The following CXADR variants were observed in gnomAD, a reference collection of about 807,000 sequenced individuals.
CXADR encodes CXADR cell adhesion molecule.
Under a neutral mutation model 40.3 loss-of-function variants are expected in CXADR, and 20 were observed. That is an observed-to-expected ratio of 0.50 (90% CI 0.35 to 0.72). The LOEUF is 0.72. Among genes scored for constraint, CXADR ranks in the 30% least tolerant of loss-of-function variants. The pLI is 0.01. For missense variants in CXADR, 332 were observed against 449.1 expected (o/e 0.74, Z 2.36); for synonymous variants, 150 against 161.3 (o/e 0.93, Z 0.53).
At chr21:17,584,159 G>A (rs1032059404) in intron 7 of CXADR, among the ~76,000 whole-genome samples, 5 of 152,186 alleles carry the variant, frequency 3.3e-5, no homozygotes, top group African/African-American at 1.2e-4. Context: ...TAAGAGTTTG[G>A]ACTCTGGAGT....
chr21:17,539,953 A>G (rs1569100510), intron 1 of CXADR, among the ~76,000 whole-genome samples: 1 of 152,330 alleles, frequency 6.6e-6, no homozygotes, highest in East Asian at 1.9e-4. Context: ...ACAAAATGCC[A>G]TAGACAAAAT....
chr21:17,518,929 C>A, intron 1 of CXADR: 3 of 1,596,596 alleles, frequency 1.9e-6, no homozygotes, highest in Non-Finnish European at 1.7e-6. Context: ...CTTCTTTCTG[C>A]GAGCTGTACC....
chr21:17,606,178 C>G, the CXADR span, among the ~76,000 whole-genome samples: 1 of 152,152 alleles, frequency 6.6e-6, no homozygotes, highest in Non-Finnish European at 1.5e-5. Context: ...ACTCTTAATT[C>G]TCATGATCAT....
intron 1 of CXADR, among the ~76,000 whole-genome samples, chr21:17,541,075 A>G (rs2060821096): frequency 6.6e-6 from 1 of 151,816 alleles, no homozygotes; most frequent in African/African-American, 2.4e-5. Context: ...GCTTGTCAAC[A>G]CGCCCCCCAC....
At chr21:17,635,277 CT>C in the CXADR span, among the ~76,000 whole-genome samples, 2 of 152,306 alleles carry the variant, frequency 1.3e-5, no homozygotes, top group East Asian at 3.9e-4. Context: ...AGTACATCTT[CT>C]AGAGCTTCTA....
intron 1 of CXADR, among the ~76,000 whole-genome samples, chr21:17,537,419 C>T (rs2060772700): frequency 6.6e-6 from 1 of 152,200 alleles, no homozygotes; most frequent in African/African-American, 2.4e-5. Flanking sequence ...TGCTTACCTC[C>T]AGGCATCCAG....
chr21:17,634,815 G>A, the CXADR span, among the ~76,000 whole-genome samples: 3,357 of 152,138 alleles, frequency 0.022, 122 homozygotes, highest in African/African-American at 0.073. Flanking sequence ...CTATTCACAG[G>A]TGCAGTCATA....
chr21:17,606,750 T>C, the CXADR span, among the ~76,000 whole-genome samples: 1 of 152,192 alleles, frequency 6.6e-6, no homozygotes. Flanking sequence ...AAAAGTTGCA[T>C]AAAAATATTC....
chr21:17,559,155 AC>A lies in CXADR; in HGVS notation c.571+26del, dbSNP rs1289754756. 2.5e-6 allele frequency: 4 copies of A among 1,612,230 alleles called. No individual in the cohort carries two copies. In the African/African-American group the frequency reaches 5.3e-5, roughly 22 times the overall value. On this transcript the variant is annotated intron_variant, in intron 4 of 6. Transcript: ENST00000284878. ...AGGTACTGCTGATAATAGTATTTGT[AC>A]CACATGCCATTGATTTGGACTAAGA...
downstream of CXADR, among the ~76,000 whole-genome samples, chr21:17,574,998 C>CATACATACATATACAT (rs144927360): frequency 2.6e-5 from 1 of 38,052 alleles, no homozygotes; most frequent in African/African-American, 6.0e-5. Context: ...TATATACACA[C>CATACATACATATACAT]ACATACATAC....
chr21:17,584,643 A>G (rs1311256769), intron 7 of CXADR, among the ~76,000 whole-genome samples: 1 of 152,224 alleles, frequency 6.6e-6, no homozygotes, highest in East Asian at 1.9e-4. Context: ...CAGCCTGGCC[A>G]ACATAGTGAA....
intron 2 of CXADR, among the ~76,000 whole-genome samples, chr21:17,548,717 C>G (rs1285062149): frequency 6.6e-6 from 1 of 152,218 alleles, no homozygotes; most frequent in African/African-American, 2.4e-5. Context: ...CCAAGAAGCA[C>G]TGTGCCCTGA....
Position 17,532,692 on chromosome 21 carries a change from A to G in CXADR, c.44-14335A>G, listed in dbSNP as rs370713135. On this transcript the variant is annotated intron_variant, in intron 1 of 6. Transcript: ENST00000284878. The stretch of plus-strand genomic sequence containing the variant: ...ATGACAAGACATAGGGTTATGTATC[A>G]TAGTAGAAGTATTAGGCTTATCAGA... 6.6e-5 allele frequency among the ~76,000 whole-genome samples: 10 copies of G among 152,356 alleles called. No homozygotes were observed. The South Asian group carries it at 2.1e-3, about 32-fold the overall frequency.
Position 17,562,983 on chromosome 21 carries a change from C to T in CXADR, c.833+1507C>T, listed in dbSNP as rs556158616. Among the ~76,000 whole-genome samples the T allele has an allele frequency of 6.6e-5, 10 of 152,296 alleles. No individual in the cohort carries two copies. The South Asian group carries it at 1.5e-3, about 22-fold the overall frequency. On this transcript the variant is annotated intron_variant, in intron 6 of 6. Transcript: ENST00000284878. Reference sequence around the variant, plus strand: ...CTCTATCCAGACCACTAAACTTTCTCCATATCAGCAATAAGACTGCTTCAC... The same window carrying T: ...CTCTATCCAGACCACTAAACTTTCTTCATATCAGCAATAAGACTGCTTCAC...
intron 1 of CXADR, among the ~76,000 whole-genome samples, chr21:17,528,541 G>A (rs886661004): frequency 6.6e-6 from 1 of 151,894 alleles, no homozygotes; most frequent in Non-Finnish European, 1.5e-5. Context: ...GAGTAGCTGG[G>A]ACTACAGGCA....
intron 3 of CXADR, among the ~76,000 whole-genome samples, chr21:17,556,073 C>T (rs760668602): frequency 6.6e-6 from 1 of 152,182 alleles, no homozygotes. Flanking sequence ...GTCACATACC[C>T]ATATCTGAGA....
At chr21:17,553,263 C>T (rs2060992495) in intron 3 of CXADR, among the ~76,000 whole-genome samples, 1 of 152,184 alleles carries the variant, frequency 6.6e-6, no homozygotes, top group African/African-American at 2.4e-5. Flanking sequence ...ACTACTCCTC[C>T]TACAAGTAGA....
At chr21:17,607,413 GAGATA>G in the CXADR span, among the ~76,000 whole-genome samples, 1 of 151,948 alleles carries the variant, frequency 6.6e-6, no homozygotes. Context: ...AGATAATCAA[GAGATA>G]AGATAAAAAA....
At chr21:17,562,930 G>T (rs2061144409) in intron 6 of CXADR, among the ~76,000 whole-genome samples, 1 of 152,200 alleles carries the variant, frequency 6.6e-6, no homozygotes, top group Admixed American at 6.5e-5. Flanking sequence ...GGGCTTTGGT[G>T]TAAGGGAATG....
Sources: allele counts gnomAD v4.1 joint callset (sites outside exome capture counted in the v4.1 genomes callset), GRCh38; gene constraint gnomAD v4.1.1; transcripts MANE v1.5; gene names NCBI Gene and HGNC (gene_info 2026-07-23, HGNC 2026-07-21).